The following ARHGAP20 variants were observed in gnomAD, a reference collection of about 807,000 sequenced individuals.
The protein encoded by ARHGAP20 is rho GTPase-activating protein 20.
A neutral mutation model predicts 73.7 loss-of-function variants in ARHGAP20; 34 were observed. The observed-to-expected ratio is 0.46, with a 90% CI of 0.35 to 0.61. ARHGAP20 has a LOEUF of 0.61. ARHGAP20 is among the 20% of genes least tolerant of loss of function. The pLI, the probability that ARHGAP20 is intolerant of heterozygous loss-of-function variation, is 0.00. For missense variants in ARHGAP20, 1,314 were observed against 1,420.9 expected (o/e 0.92, Z 1.21); for synonymous variants, 523 against 518.2 (o/e 1.01, Z -0.13).
chr11:110,711,005 CAAA>C (rs11461759), intron 1 of ARHGAP20, among the ~76,000 whole-genome samples: 10 of 82,530 alleles, frequency 1.2e-4, no homozygotes, highest in Non-Finnish European at 2.1e-4. Flanking sequence ...TAAGACAAGG[CAAA>C]AAAAAAAAAA....
chr11:110,698,706 G>A (rs1380698973), intron 1 of ARHGAP20, among the ~76,000 whole-genome samples: 1 of 151,838 alleles, frequency 6.6e-6, no homozygotes, highest in Non-Finnish European at 1.5e-5. Context: ...TATACGCATA[G>A]AGGTGTTCAC....
rs1947762454 is a variant in ARHGAP20 at position 110,589,370 on chromosome 11, T to C, written c.1305+1278A>G. ...TTTAAGAGCAGATATGGCTTATTTATCCAGAAACATCTGATTGTATATAAA... is the reference window on the plus strand; with the variant it reads ...TTTAAGAGCAGATATGGCTTATTTACCCAGAAACATCTGATTGTATATAAA... On this transcript the variant is annotated intron_variant, in intron 11 of 14. Transcript: ENST00000683387. 4 of 981,374 alleles carry C rather than the reference T, an allele frequency of 4.1e-6. No individual in the cohort carries two copies. The South Asian group carries it at 1.4e-4, about 35-fold the overall frequency. The allele number at this position is 981,374 out of a possible 1,614,324, so 60.8% of individuals were successfully genotyped here.
Position 110,580,646 on chromosome 11 carries a change from A to G in ARHGAP20, c.2300T>C (p.Val767Ala). ...FKQSLVTGTD[V>A]SKKNATTQNT... ...TTGAGTAGTGGCATTTTTCTTGCTG[A>G]CATCAGTGCCTGTGACTAAACTCTG... Residue 767 changes from valine to alanine, a missense_variant, in exon 15 of 15, where the codon GTC becomes GCC. Coordinates refer to ENST00000683387, the MANE Select transcript of ARHGAP20 (RefSeq NM_001384657.1). 1 of 1,614,226 alleles carries G rather than the reference A, an allele frequency of 6.2e-7. No individual in the cohort carries two copies. The highest frequency in any genetic ancestry group is 8.5e-7 in the Non-Finnish European group (1 of 1,180,034).
intron 2 of ARHGAP20, among the ~76,000 whole-genome samples, chr11:110,640,808 C>T (rs553378922): frequency 5.8e-4 from 88 of 151,912 alleles, no homozygotes; most frequent in Admixed American, 9.8e-4. Flanking sequence ...ATGTATATGA[C>T]GAGTTAATGG....
At chr11:110,619,330 G>A (rs1948567425) in intron 4 of ARHGAP20, among the ~76,000 whole-genome samples, 1 of 147,636 alleles carries the variant, frequency 6.8e-6, no homozygotes, top group Non-Finnish European at 1.5e-5. Context: ...TGCAGTGATA[G>A]GGTATATGCA....
chr11:110,606,787 A>G (rs1948242383), intron 8 of ARHGAP20, 38 bp from the exon 9 acceptor site: 6 of 1,490,166 alleles, frequency 4.0e-6, no homozygotes, highest in African/African-American at 1.4e-5. Flanking sequence ...CTTCAGGCTG[A>G]CTGGTACTGT....
intron 2 of ARHGAP20, among the ~76,000 whole-genome samples, chr11:110,688,166 T>G (rs986430481): frequency 3.9e-5 from 6 of 152,188 alleles, no homozygotes; most frequent in African/African-American, 7.2e-5. Flanking sequence ...CAGGATATTC[T>G]GTGCTTTCCA....
intron 2 of ARHGAP20, among the ~76,000 whole-genome samples, chr11:110,664,748 AAAAAG>A (rs922490825): frequency 6.6e-6 from 1 of 151,698 alleles, no homozygotes; most frequent in Non-Finnish European, 1.5e-5. Context: ...AAAAAAAAGA[AAAAAG>A]AAAGAAAGAT....
chr11:110,629,625 T>G (rs1483125046), intron 3 of ARHGAP20, among the ~76,000 whole-genome samples: 1 of 152,212 alleles, frequency 6.6e-6, no homozygotes, highest in Non-Finnish European at 1.5e-5. Context: ...ATGCTTGTCT[T>G]TAATTTAAAA....
intron 2 of ARHGAP20, among the ~76,000 whole-genome samples, chr11:110,684,015 G>A (rs1196277991): frequency 6.6e-6 from 1 of 152,174 alleles, no homozygotes; most frequent in Non-Finnish European, 1.5e-5. Context: ...CATGTTAGAA[G>A]TGGAAAGCAG....
In ARHGAP20 at chr11:110,577,220, C is replaced by T; in HGVS notation, c.*2150G>A. 2 of 1,509,414 alleles carry T rather than the reference C, an allele frequency of 1.3e-6. No homozygotes were observed. The highest frequency in any genetic ancestry group is 1.2e-5 in the South Asian group (1 of 80,252). The allele number at this position is 1,509,414 out of a possible 1,614,324, so 93.5% of individuals were successfully genotyped here. A position where few individuals can be genotyped will look rare whatever the true frequency, so the allele number is the denominator to read the frequency against. On this transcript the variant is annotated 3_prime_UTR_variant, in exon 15 of 15. Coordinates refer to ENST00000683387, the MANE Select transcript of ARHGAP20 (RefSeq NM_001384657.1). ...GTAAAATTTGTCAAGATATATTATA[C>T]AAACTCAAAGCATTTTAGATAAAGC...
chr11:110,648,265 G>T (rs12295395), intron 2 of ARHGAP20, among the ~76,000 whole-genome samples: 30,686 of 136,054 alleles, frequency 0.23, 3,547 homozygotes, highest in South Asian at 0.32. Context: ...ATATATATAT[G>T]TAAATATATA....
intron 2 of ARHGAP20, among the ~76,000 whole-genome samples, chr11:110,644,936 C>T (rs1446778603): frequency 3.3e-5 from 5 of 151,890 alleles, no homozygotes; most frequent in Non-Finnish European, 4.4e-5. Flanking sequence ...ACAAACAAAT[C>T]AACAAACAAA....
chr11:110,580,241 C>T lies in ARHGAP20; in HGVS notation c.2705G>A (p.Ser902Asn). 6.2e-7 allele frequency: 1 copy of T among 1,614,222 alleles called. No homozygotes were observed. Among genetic ancestry groups the T allele is most frequent in the South Asian group, 1.1e-5 (1 of 91,084 alleles). ...QMEGQKLINQSLVMGIEVGKS... is the reference protein window; with the variant it reads ...QMEGQKLINQNLVMGIEVGKS... ...GCCCACCTCAATCCCCATGACTAAA[C>T]TCTGATTAATGAGCTTCTGCCCCTC... Residue 902 changes from serine to asparagine, a missense_variant, in exon 15 of 15, where the codon AGT (serine) becomes AAT (asparagine). By Grantham distance (46) the Ser-to-Asn change is conservative. Transcript: ENST00000683387.
Position 110,712,167 on chromosome 11 carries a change from G to C in ARHGAP20, c.65C>G (p.Thr22Arg), listed in dbSNP as rs746224831. 7 of 1,371,490 alleles carry C rather than the reference G, an allele frequency of 5.1e-6. No homozygotes were observed. In the South Asian group the frequency reaches 1.1e-4, roughly 21 times the overall value. The allele number at this position is 1,371,490 out of a possible 1,614,324, so 85.0% of individuals were successfully genotyped here. Residue 22 changes from threonine to arginine, a missense_variant, in exon 1 of 15, where the codon ACA (threonine) becomes AGA (arginine). By Grantham distance (71) the Thr-to-Arg change is moderately conservative. Around this residue, in one of 3 missense-constraint regions of ARHGAP20, gnomAD observed 443 missense variants for 466.4 expected, o/e 0.95. Coordinates refer to ENST00000683387, the MANE Select transcript of ARHGAP20 (RefSeq NM_001384657.1). ...GGQPGRSSSL[T>R]GVSRLAGGSC... ...GCCTCCCGCGAGCCGAGACACTCCTGTCAGGGAAGAGGAGCGCCCCGGCTG... is the reference window on the plus strand; with the variant it reads ...GCCTCCCGCGAGCCGAGACACTCCTCTCAGGGAAGAGGAGCGCCCCGGCTG...
At chr11:110,683,783 T>C (rs927416545) in intron 2 of ARHGAP20, among the ~76,000 whole-genome samples, 3 of 152,186 alleles carry the variant, frequency 2.0e-5, no homozygotes, top group Non-Finnish European at 4.4e-5. Flanking sequence ...TGTTATAGTC[T>C]GAATGAGAGC....
At chr11:110,624,753 T>TA (rs1361210474) in intron 3 of ARHGAP20, among the ~76,000 whole-genome samples, 7 of 151,912 alleles carry the variant, frequency 4.6e-5, no homozygotes, top group Non-Finnish European at 1.0e-4. Flanking sequence ...AAGAGTAAAC[T>TA]AAAAAAGGGT....
chr11:110,690,605 T>C lies in ARHGAP20; in HGVS notation c.130A>G (p.Arg44Gly), dbSNP rs763412802. The C allele has an allele frequency of 9.3e-6, 15 of 1,613,986 alleles. No individual in the cohort carries two copies. Among genetic ancestry groups the C allele is most frequent in the Non-Finnish European group, 1.2e-5 (14 of 1,179,984 alleles). ...KKKMKTLAER[R>G]RSAPSLILDK... The stretch of plus-strand genomic sequence containing the variant: ...AGGATAAGAGATGGAGCGCTCCTCC[T>C]CCTTTCTGCTAGTGTTTTCATTTTC... The change falls in exon 2 of 15, where the codon AGG becomes GGG. Residue 44 changes from arginine to glycine, a missense_variant. Arg to Gly is a moderately radical substitution (Grantham distance 125). This residue lies in a region of ARHGAP20 where 443 missense variants were observed against 466.4 expected (regional missense o/e 0.95). Transcript: ENST00000683387.
At chr11:110,701,611 C>G (rs1248657582) in intron 1 of ARHGAP20, among the ~76,000 whole-genome samples, 1 of 151,962 alleles carries the variant, frequency 6.6e-6, no homozygotes, top group Admixed American at 6.6e-5. Flanking sequence ...TCAATTTTGG[C>G]TTTTGTTGCC....
Sources: gnomAD v4.1 joint callset for allele counts (sites outside exome capture counted in the v4.1 genomes callset) on GRCh38, gnomAD v4.1.1 for gene constraint, gnomAD v4.1.1 regional missense constraint, MANE v1.5 for transcripts, NCBI Gene and HGNC (gene_info 2026-07-23, HGNC 2026-07-21) for gene names.